The following FAM120B variants were observed in gnomAD, a reference collection of about 807,000 sequenced individuals.
FAM120B encodes constitutive coactivator of peroxisome proliferator-activated receptor gamma.
FAM120B carries 83 observed loss-of-function variants against 96.3 expected under a neutral mutation model. That is an observed-to-expected ratio of 0.86 (90% CI 0.72 to 1.03). The LOEUF (loss-of-function observed/expected upper bound fraction) is 1.03, where lower values mean the gene tolerates loss of function less well. FAM120B is among the 50% of genes least tolerant of loss of function. The probability of loss-of-function intolerance (pLI) is 0.00; values close to 1 mark genes in which losing one functional copy is unlikely to be tolerated. For missense variants in FAM120B, 1,027 were observed against 1,121.2 expected, an observed-to-expected ratio of 0.92 and a Z score of 1.20; for synonymous variants, 407 against 402.7, an observed-to-expected ratio of 1.01 and a Z score of -0.13.
upstream of FAM120B, among the ~76,000 whole-genome samples, chr6:170,301,993 C>A (rs775050171): frequency 2.0e-5 from 3 of 152,168 alleles, no homozygotes; most frequent in Non-Finnish European, 4.4e-5. Context: ...TGCCTGTTAC[C>A]CCATTCCAAA....
intron 9 of FAM120B, among the ~76,000 whole-genome samples, chr6:170,403,435 TA>T (rs1214767355): frequency 1.3e-5 from 2 of 152,140 alleles, no homozygotes; most frequent in Non-Finnish European, 2.9e-5. Flanking sequence ...GGGCAATTGA[TA>T]GGTAAAATTT....
chr6:170,318,968 T>C lies in FAM120B; in HGVS notation c.1578T>C (p.Ala526=), dbSNP rs1222017940. Residue 526 remains alanine (A), a synonymous_variant, in exon 2 of 11, where the codon GCT becomes GCC. Coordinates refer to ENST00000476287, the MANE Select transcript of FAM120B (RefSeq NM_032448.3). ...SKQEDSMCTH[A]EINQKLPVAT... Reference sequence around the variant, plus strand: ...AAGAAGACTCCATGTGTACACACGCTGAAATCAATCAAAAATTACCTGTAG... The same window carrying C: ...AAGAAGACTCCATGTGTACACACGCCGAAATCAATCAAAAATTACCTGTAG... 2 of 1,614,074 alleles carry C rather than the reference T, an allele frequency of 1.2e-6. No individual in the cohort carries two copies. The highest frequency in any genetic ancestry group is 1.7e-5 in the Admixed American group (1 of 60,006).
At chr6:170,311,894 G>A (rs768755998) in intron 1 of FAM120B, among the ~76,000 whole-genome samples, 8 of 152,320 alleles carry the variant, frequency 5.3e-5, no homozygotes, top group South Asian at 2.1e-4. Flanking sequence ...TGCCTATGCC[G>A]TGACTCAGCA....
chr6:170,316,238 A>G (rs778497026), intron 1 of FAM120B, among the ~76,000 whole-genome samples: 14 of 152,192 alleles, frequency 9.2e-5, no homozygotes, highest in Non-Finnish European at 1.9e-4. Context: ...ACTGTCTGGC[A>G]GCTGGGAAAT....
intron 6 of FAM120B, among the ~76,000 whole-genome samples, chr6:170,360,736 G>A (rs1359566129): frequency 1.3e-5 from 2 of 152,148 alleles, no homozygotes; most frequent in Admixed American, 6.5e-5. Context: ...GGTCACTTAG[G>A]AAAATGCTTC....
At chr6:170,351,520 G>GA (rs1428311932) in intron 5 of FAM120B, among the ~76,000 whole-genome samples, 2 of 152,098 alleles carry the variant, frequency 1.3e-5, no homozygotes, top group African/African-American at 2.4e-5. Flanking sequence ...TGAAATGAAA[G>GA]AAAAAATGTT....
intron 1 of FAM120B, among the ~76,000 whole-genome samples, chr6:170,296,005 C>T (rs918096625): frequency 8.5e-5 from 13 of 152,084 alleles, no homozygotes; most frequent in African/African-American, 3.1e-4. Flanking sequence ...GCGGCTCCTT[C>T]CCCTGGAACC....
intron 1 of FAM120B, among the ~76,000 whole-genome samples, chr6:170,299,321 G>T (rs987549269): frequency 6.6e-6 from 1 of 152,184 alleles, no homozygotes; most frequent in Non-Finnish European, 1.5e-5. Flanking sequence ...ATCTAAAGTT[G>T]TTCAAATGTT....
intron 1 of FAM120B, among the ~76,000 whole-genome samples, chr6:170,311,302 A>G (rs1009223857): frequency 6.6e-6 from 1 of 152,200 alleles, no homozygotes; most frequent in East Asian, 1.9e-4. Flanking sequence ...TCTGGCCCCA[A>G]CTCCTCCAGC....
intron 8 of FAM120B, among the ~76,000 whole-genome samples, chr6:170,395,187 G>A (rs994267414): frequency 6.6e-6 from 1 of 152,178 alleles, no homozygotes; most frequent in African/African-American, 2.4e-5. Flanking sequence ...CATGGGTCCA[G>A]GGGGCCCCAG....
intron 5 of FAM120B, among the ~76,000 whole-genome samples, chr6:170,357,827 C>T (rs1037395606): frequency 2.0e-5 from 3 of 152,214 alleles, no homozygotes; most frequent in African/African-American, 7.2e-5. Flanking sequence ...GTTGTGTGCA[C>T]AACTGGGGAC....
intron 2 of FAM120B, among the ~76,000 whole-genome samples, chr6:170,319,768 T>A (rs1308450881): frequency 2.6e-5 from 4 of 152,164 alleles, no homozygotes; most frequent in Admixed American, 2.6e-4. Flanking sequence ...ACTTGGGAGT[T>A]GTGGAAGTAC....
chr6:170,297,934 G>A (rs1026775956), intron 1 of FAM120B: 1 of 152,134 alleles, frequency 6.6e-6, no homozygotes, highest in Non-Finnish European at 1.5e-5. Flanking sequence ...CCGGTCAATA[G>A]GCCACACAGC....
At chr6:170,302,252 C>T (rs9366134), upstream of FAM120B, among the ~76,000 whole-genome samples, 15,697 of 152,156 alleles carry the variant, frequency 0.1, 1,026 homozygotes, top group East Asian at 0.2. Flanking sequence ...TGTGGAGTGA[C>T]GCAGGGGAAA....
At chr6:170,371,124 T>TA (rs1291183684) in intron 6 of FAM120B, among the ~76,000 whole-genome samples, 1 of 152,150 alleles carries the variant, frequency 6.6e-6, no homozygotes, top group African/African-American at 2.4e-5. Context: ...CTCTACCTCT[T>TA]ATGCAGTCTC....
At chr6:170,306,202 C>T (rs1192646303), upstream of FAM120B, among the ~76,000 whole-genome samples, 1 of 152,226 alleles carries the variant, frequency 6.6e-6, no homozygotes, top group Non-Finnish European at 1.5e-5. Flanking sequence ...TGGGGCCGCG[C>T]CGTCCCGATA....
At chr6:170,360,730 AC>A (rs1788301694) in intron 6 of FAM120B, among the ~76,000 whole-genome samples, 2 of 152,176 alleles carry the variant, frequency 1.3e-5, no homozygotes, top group South Asian at 2.1e-4. Context: ...CCCTGAGGTC[AC>A]TTAGGAAAAT....
At chr6:170,360,484 A>G (rs142094514) in intron 6 of FAM120B, among the ~76,000 whole-genome samples, 1 of 152,318 alleles carries the variant, frequency 6.6e-6, no homozygotes, top group East Asian at 1.9e-4. Context: ...CATGAGAAAG[A>G]CATGATTAAA....
chr6:170,378,599 G>A (rs185992781), intron 6 of FAM120B, among the ~76,000 whole-genome samples: 3 of 152,332 alleles, frequency 2.0e-5, no homozygotes, highest in South Asian at 2.1e-4. Flanking sequence ...GCAGCCTAGA[G>A]GGGGAAGAGA....
Sources: allele counts gnomAD v4.1 joint callset (sites outside exome capture counted in the v4.1 genomes callset), GRCh38; gene constraint gnomAD v4.1.1; transcripts MANE v1.5; gene names NCBI Gene and HGNC (gene_info 2026-07-23, HGNC 2026-07-21).